The following XKR9 variants were observed in gnomAD, a reference collection of about 807,000 sequenced individuals.
XKR9 encodes the protein XK related 9.
In XKR9, 32 loss-of-function variants were observed where a neutral mutation model predicts 32.0. The observed-to-expected ratio is 1.00, with a 90% CI of 0.76 to 1.34. The LOEUF is 1.34. Ranked by LOEUF, XKR9 falls within the 40% of genes most tolerant of loss-of-function variation. XKR9 has a pLI of 0.00. For synonymous variants in XKR9, 168 were observed against 143.4 expected (o/e 1.17, Z -1.22); for missense variants, 546 against 429.7 (o/e 1.27, Z -2.39).
rs190673229 is a variant in XKR9, at chr8:70,722,223, A to C, written c.494-11573A>C. Among the ~76,000 whole-genome samples, 277 of 152,112 alleles carry C rather than the reference A, an allele frequency of 1.8e-3. 2 individuals are homozygous for C. The highest frequency in any genetic ancestry group is 6.4e-3 in the African/African-American group (264 of 41,502). The stretch of plus-strand genomic sequence containing the variant: ...TGAGGCTGGGTCTCCTGAATATGGC[A>C]CATGGATGGGTCTTGACTTTTTATC... On this transcript the variant is annotated intron_variant, in intron 4 of 4. Coordinates refer to ENST00000408926, the MANE Select transcript of XKR9 (RefSeq NM_001011720.2).
At chr8:70,924,333 C>G in the XKR9 span, among the ~76,000 whole-genome samples, 2 of 152,186 alleles carry the variant, frequency 1.3e-5, no homozygotes, top group African/African-American at 2.4e-5. Flanking sequence ...GAGCTCAGTC[C>G]ACTTTCTAAA....
At chr8:70,804,794 T>C in the XKR9 span, among the ~76,000 whole-genome samples, 1 of 152,234 alleles carries the variant, frequency 6.6e-6, no homozygotes, top group African/African-American at 2.4e-5. Flanking sequence ...TTTGTTATCA[T>C]TTTTGTCTTT....
At chr8:70,846,010 C>T in the XKR9 span, among the ~76,000 whole-genome samples, 35 of 151,972 alleles carry the variant, frequency 2.3e-4, no homozygotes, top group African/African-American at 8.2e-4. Flanking sequence ...GTCAAACTGT[C>T]AAAAGTCAAA....
chr8:70,749,640 C>T (rs775352094), intron 2 of XKR9, among the ~76,000 whole-genome samples: 2 of 152,240 alleles, frequency 1.3e-5, no homozygotes, highest in Non-Finnish European at 2.9e-5. Flanking sequence ...CCACTCTGTG[C>T]CTGGCTCACC....
At chr8:70,788,520 C>T (rs1807721466) in intron 2 of XKR9, among the ~76,000 whole-genome samples, 1 of 135,406 alleles carries the variant, frequency 7.4e-6, no homozygotes, top group Non-Finnish European at 1.8e-5. Flanking sequence ...GCAAGCTTAA[C>T]CAGCGCAGAT....
chr8:70,865,747 C>T, the XKR9 span, among the ~76,000 whole-genome samples: 1 of 152,156 alleles, frequency 6.6e-6, no homozygotes, highest in Admixed American at 6.6e-5. Flanking sequence ...AGTTACTTTG[C>T]ATTCATCATA....
chr8:70,953,204 T>G, the XKR9 span, among the ~76,000 whole-genome samples: 1 of 152,252 alleles, frequency 6.6e-6, no homozygotes, highest in South Asian at 2.1e-4. Context: ...AGAACAATGA[T>G]TATAGCAGGC....
chr8:70,819,345 A>T, the XKR9 span, among the ~76,000 whole-genome samples: 1 of 152,204 alleles, frequency 6.6e-6, no homozygotes, highest in Non-Finnish European at 1.5e-5. Context: ...ATTTTAGGAA[A>T]ATTGCGTAAA....
chr8:70,944,586 G>A, the XKR9 span, among the ~76,000 whole-genome samples: 16 of 152,142 alleles, frequency 1.1e-4, no homozygotes, highest in Admixed American at 1.0e-3. Flanking sequence ...CCTATAGGGA[G>A]CTAGGGTTGA....
chr8:70,770,182 T>C (rs1294399678), intron 2 of XKR9, among the ~76,000 whole-genome samples: 1 of 152,184 alleles, frequency 6.6e-6, no homozygotes, highest in Non-Finnish European at 1.5e-5. Flanking sequence ...CTAGTTTTCC[T>C]CCTAACAATC....
intron 2 of XKR9, among the ~76,000 whole-genome samples, chr8:70,764,122 G>A (rs549660105): frequency 3.3e-4 from 50 of 152,212 alleles, no homozygotes; most frequent in South Asian, 1.7e-3. Flanking sequence ...TGCTGTCTTG[G>A]GATCTTCTCA....
intron 4 of XKR9, among the ~76,000 whole-genome samples, chr8:70,728,862 C>G (rs748355363): frequency 6.6e-6 from 1 of 152,120 alleles, no homozygotes; most frequent in African/African-American, 2.4e-5. Flanking sequence ...TAAGGAATCT[C>G]GGATAAGATA....
chr8:70,740,311 A>T (rs1806948270), downstream of XKR9, among the ~76,000 whole-genome samples: 1 of 151,962 alleles, frequency 6.6e-6, no homozygotes, highest in Non-Finnish European at 1.5e-5. Context: ...CTTGGTTTTC[A>T]GCTCCATCAG....
intron 2 of XKR9, among the ~76,000 whole-genome samples, chr8:70,743,799 T>A (rs1264972881): frequency 6.6e-6 from 1 of 152,140 alleles, no homozygotes; most frequent in Non-Finnish European, 1.5e-5. Context: ...TGTAGGTTTT[T>A]AAATTTGGAT....
At chr8:70,761,317 A>G (rs2130208690) in intron 2 of XKR9, among the ~76,000 whole-genome samples, 1 of 152,290 alleles carries the variant, frequency 6.6e-6, no homozygotes, top group Non-Finnish European at 1.5e-5. Flanking sequence ...GAACTAATTT[A>G]CACTCCCACC....
At chr8:70,720,117 T>C (rs1806226934) in intron 4 of XKR9, among the ~76,000 whole-genome samples, 2 of 152,174 alleles carry the variant, frequency 1.3e-5, no homozygotes, top group South Asian at 4.1e-4. Flanking sequence ...TATTGGTGTG[T>C]AGGAATGCTT....
chr8:71,003,361 AC>A, the XKR9 span, among the ~76,000 whole-genome samples: 4 of 152,254 alleles, frequency 2.6e-5, no homozygotes, highest in Non-Finnish European at 5.9e-5. Context: ...TTAAATTGTA[AC>A]CTTGATACAT....
chr8:70,951,897 C>T, the XKR9 span, among the ~76,000 whole-genome samples: 1 of 151,912 alleles, frequency 6.6e-6, no homozygotes, highest in Non-Finnish European at 1.5e-5. Context: ...TTGTAGGACC[C>T]CCCCAGTGCC....
the XKR9 span, among the ~76,000 whole-genome samples, chr8:70,947,748 A>G: frequency 6.6e-6 from 1 of 152,258 alleles, no homozygotes; most frequent in Non-Finnish European, 1.5e-5. Context: ...TCTTGTAGAC[A>G]TAGCCATTTG....
Sources: allele counts gnomAD v4.1 joint callset (sites outside exome capture counted in the v4.1 genomes callset), GRCh38; gene constraint gnomAD v4.1.1; transcripts MANE v1.5; gene names NCBI Gene and HGNC (gene_info 2026-07-23, HGNC 2026-07-21).